The following EPRS1 variants were observed in gnomAD, a reference collection of about 807,000 sequenced individuals.
EPRS1 encodes bifunctional glutamate/proline--tRNA ligase.
In EPRS1, 107 loss-of-function variants were observed where a neutral mutation model predicts 188.3. The ratio of observed to expected loss-of-function variants is 0.57; its 90% confidence interval spans 0.49 to 0.67. The LOEUF is 0.67. EPRS1 is among the 30% of genes least tolerant of loss of function. The pLI, the probability that EPRS1 is intolerant of heterozygous loss-of-function variation, is 0.00. For synonymous variants in EPRS1, 596 were observed against 593.1 expected, an observed-to-expected ratio of 1.00 and a Z score of -0.07; for missense variants, 1,577 against 1,802.2, an observed-to-expected ratio of 0.88 and a Z score of 2.26.
intron 28 of EPRS1, among the ~76,000 whole-genome samples, chr1:219,978,252 T>C (rs911340768): frequency 6.6e-6 from 1 of 152,204 alleles, no homozygotes; most frequent in African/African-American, 2.4e-5. Context: ...ATTCCTGGCA[T>C]AAACATTTTA....
intron 1 of EPRS1, among the ~76,000 whole-genome samples, chr1:220,042,506 A>G (rs1662316386): frequency 6.6e-6 from 1 of 151,924 alleles, no homozygotes; most frequent in Non-Finnish European, 1.5e-5. Flanking sequence ...AAAAGAAAAA[A>G]GAAAGAAAGG....
intron 17 of EPRS1, among the ~76,000 whole-genome samples, chr1:220,000,310 G>C (rs1393783209): frequency 6.6e-6 from 1 of 152,194 alleles, no homozygotes; most frequent in Non-Finnish European, 1.5e-5. Context: ...ATATATAGTA[G>C]CAATTTTCAA....
At chr1:219,997,584 T>C (rs887868612) in intron 17 of EPRS1, among the ~76,000 whole-genome samples, 2 of 152,118 alleles carry the variant, frequency 1.3e-5, no homozygotes, top group African/African-American at 4.8e-5. Context: ...AGTAAAAACC[T>C]GAAAATACCC....
intron 4 of EPRS1, 74 bp downstream of exon 4, chr1:220,033,428 C>T (rs986671813): frequency 3.7e-5 from 42 of 1,137,964 alleles, no homozygotes; most frequent in Non-Finnish European, 5.2e-5. Flanking sequence ...TGCATACACA[C>T]AGAAATATAT....
At position 219,983,736 on chromosome 1, in the gene EPRS1, T is replaced by C. The variant is rs12062082; in HGVS notation, c.3091-338A>G. ...GGTGAAACCCAGTCTCTACTAAAAC[T>C]ACAAAAATTAGCCGGGCGTGGTAGC... On this transcript the variant is annotated intron_variant, in intron 21 of 31. Transcript: ENST00000366923. Among the ~76,000 whole-genome samples, 908 of 152,074 alleles carry C rather than the reference T, an allele frequency of 6.0e-3. 13 individuals carry two copies. The highest frequency in any genetic ancestry group is 0.02 in the African/African-American group (849 of 41,496).
At chr1:220,044,707 A>C (rs1047685944) in intron 1 of EPRS1, among the ~76,000 whole-genome samples, 6 of 146,030 alleles carry the variant, frequency 4.1e-5, no homozygotes, top group East Asian at 2.1e-4. Flanking sequence ...AAAAAAAAAA[A>C]AAAAAACAGT....
chr1:220,024,808 A>G (rs1259900279), intron 7 of EPRS1, among the ~76,000 whole-genome samples: 1 of 152,212 alleles, frequency 6.6e-6, no homozygotes, highest in African/African-American at 2.4e-5. Flanking sequence ...ACATTTTCCA[A>G]TACCTACTTA....
intron 25 of EPRS1, 120 bp from the exon 26 acceptor site, chr1:219,980,360 CT>C: frequency 1.4e-6 from 1 of 705,228 alleles, no homozygotes; most frequent in Non-Finnish European, 2.3e-6. Context: ...ATAAAAACCT[CT>C]TTTTATGAAA....
In EPRS1 at chr1:220,005,310, T is replaced by A. The variant is rs556780948; in HGVS notation, c.2001A>T (p.Gly667=). The A allele has an allele frequency of 1.9e-6, 3 of 1,601,482 alleles. No individual in the cohort carries two copies. The highest frequency in any genetic ancestry group is 3.4e-5 in the Admixed American group (2 of 58,614). The change falls in exon 16 of 32, where the codon GGA becomes GGT. Residue 667 remains glycine, a synonymous_variant. Coordinates refer to ENST00000366923, the MANE Select transcript of EPRS1 (RefSeq NM_004446.3). ...GDPCLKDLKK[G]DIIQLQRRGF... ...CTCTTCTCTGGAGTTGTATAATATC[T>A]CCTTTTTTCAAATCCTTAAGGCAGG...
chr1:220,011,883 T>C (rs1661612011), intron 12 of EPRS1, among the ~76,000 whole-genome samples: 1 of 152,220 alleles, frequency 6.6e-6, no homozygotes, highest in Non-Finnish European at 1.5e-5. Context: ...GAGAAAAATG[T>C]AGATGAAAGC....
At chr1:220,002,192 T>A (rs1408018687) in intron 16 of EPRS1, among the ~76,000 whole-genome samples, 1 of 150,490 alleles carries the variant, frequency 6.6e-6, no homozygotes, top group Non-Finnish European at 1.5e-5. Context: ...TTTAGCCAGG[T>A]ATGGTGGCGG....
chr1:219,994,253 T>C (rs1343432429), intron 18 of EPRS1, among the ~76,000 whole-genome samples: 1 of 152,148 alleles, frequency 6.6e-6, no homozygotes, highest in East Asian at 1.9e-4. Context: ...CTGGTGAGTC[T>C]AAATGCTCCC....
chr1:220,029,273 G>A (rs1190749066), intron 6 of EPRS1, among the ~76,000 whole-genome samples: 1 of 152,030 alleles, frequency 6.6e-6, no homozygotes, highest in Admixed American at 6.6e-5. Flanking sequence ...AATCCACTTA[G>A]TCAATTACCA....
chr1:220,042,648 G>A (rs1203027724), intron 1 of EPRS1, among the ~76,000 whole-genome samples: 2 of 152,070 alleles, frequency 1.3e-5, no homozygotes, highest in East Asian at 1.9e-4. Flanking sequence ...CTGGCCGGGC[G>A]TGGTGGCTCA....
intron 7 of EPRS1, among the ~76,000 whole-genome samples, chr1:220,024,724 A>G (rs1012361834): frequency 6.6e-6 from 1 of 152,240 alleles, no homozygotes; most frequent in Non-Finnish European, 1.5e-5. Flanking sequence ...TACTGGGAGA[A>G]CTGACAATCA....
chr1:220,046,493 C>CGCCGCA lies in EPRS1; in HGVS notation c.-111_-106dup. 6.6e-7 allele frequency: 1 copy of CGCCGCA among 1,524,550 alleles called. No individual in the cohort carries two copies. Among genetic ancestry groups the CGCCGCA allele is most frequent in the East Asian group, 2.5e-5 (1 of 40,174 alleles). 94.4% of individuals were successfully genotyped at this position (1,524,550 alleles called of 1,614,324 possible). On this transcript the variant is annotated 5_prime_UTR_variant, in exon 1 of 32. Coordinates refer to ENST00000366923, the MANE Select transcript of EPRS1 (RefSeq NM_004446.3). ...TGCAACGTGTGCGCGTACCCGACGC[C>CGCCGCA]GCCGCAGCCTTCGCTCCGCCCCTGC...
intron 17 of EPRS1, among the ~76,000 whole-genome samples, chr1:219,998,714 T>A (rs1661284734): frequency 6.6e-6 from 1 of 151,932 alleles, no homozygotes; most frequent in South Asian, 2.1e-4. Flanking sequence ...AGCTAATTTT[T>A]ACATTTTTAG....
chr1:220,018,374 A>T, intron 12 of EPRS1, 75 bp downstream of exon 12: 1 of 1,177,842 alleles, frequency 8.5e-7, no homozygotes, highest in Non-Finnish European at 1.3e-6. Context: ...TACCATGAGC[A>T]CAGTAATGAC....
chr1:220,020,738 C>T (rs1283388203), intron 9 of EPRS1, among the ~76,000 whole-genome samples: 4 of 144,982 alleles, frequency 2.8e-5, no homozygotes. Context: ...ATCATTAGGT[C>T]AAAATTACAT....
Sources: gnomAD v4.1 joint callset for allele counts (sites outside exome capture counted in the v4.1 genomes callset) on GRCh38, gnomAD v4.1.1 for gene constraint, MANE v1.5 for transcripts, NCBI Gene and HGNC (gene_info 2026-07-23, HGNC 2026-07-21) for gene names.